The following NARS1 variants were observed in gnomAD, a reference collection of about 807,000 sequenced individuals.
The protein encoded by NARS1 is asparagine--tRNA ligase, cytoplasmic.
NARS1 carries 65 observed loss-of-function variants against 79.2 expected under a neutral mutation model. The ratio of observed to expected loss-of-function variants is 0.82; its 90% CI spans 0.67 to 1.01. The LOEUF (loss-of-function observed/expected upper bound fraction) is 1.01. Ranked by LOEUF, NARS1 falls within the 50% of genes least tolerant of loss-of-function variation. NARS1 has a pLI of 0.00. For synonymous variants in NARS1, 229 were observed against 238.8 expected, an observed-to-expected ratio of 0.96 and a Z score of 0.38; for missense variants, 649 against 673.8, an observed-to-expected ratio of 0.96 and a Z score of 0.41.
intron 4 of NARS1, among the ~76,000 whole-genome samples, chr18:57,614,361 C>G (rs533044943): frequency 6.6e-6 from 1 of 152,016 alleles, no homozygotes; most frequent in African/African-American, 2.4e-5. Flanking sequence ...ATTAGCCAGG[C>G]GTGGTGGCAG....
At chr18:57,603,642 C>A (rs1376751310) in intron 11 of NARS1, among the ~76,000 whole-genome samples, 1 of 152,198 alleles carries the variant, frequency 6.6e-6, no homozygotes, top group Non-Finnish European at 1.5e-5. Flanking sequence ...TGACAACTCT[C>A]GTCCCAGTAA....
In NARS1 at chr18:57,607,227, T is replaced by C. The variant is rs1217200806; in HGVS notation, c.908A>G (p.Tyr303Cys). The C allele has an allele frequency of 6.2e-7, 1 of 1,614,062 alleles. No individual in the cohort carries two copies. Among genetic ancestry groups the C allele is most frequent in the Non-Finnish European group, 8.5e-7 (1 of 1,180,012 alleles). The change falls in exon 9 of 14, where the codon TAC becomes TGC. Residue 303 changes from tyrosine (Y) to cysteine (C), a missense_variant. Tyr to Cys is a radical substitution (Grantham distance 194). Transcript: ENST00000256854. ...CAGGGCTGGGAGGCAGGTCTCCAAG[T>C]ACAACTGAGAGGATTGAGTCAAAAA... is the stretch of plus-strand genomic sequence containing the variant. ...EAFLTQSSQLYLETCLPALGD... is the reference protein window; with the variant it reads ...EAFLTQSSQLCLETCLPALGD...
Position 57,607,552 on chromosome 18 carries a change from G to A in NARS1, c.693C>T (p.Asn231=), listed in dbSNP as rs1222170024. 4 of 1,613,982 alleles carry A rather than the reference G, an allele frequency of 2.5e-6. No homozygotes were observed. The African/African-American group carries it at 4.0e-5, about 16-fold the overall frequency. Residue 231 remains asparagine, a synonymous_variant, in exon 8 of 14, where the codon AAC becomes AAT. Coordinates refer to ENST00000256854, the MANE Select transcript of NARS1 (RefSeq NM_004539.4). Reference sequence around the variant, plus strand: ...CTCCTCGGATCATCATGTGTCTGTTGTTGAGCTGGACATCAACGTCAGACT... The same window carrying A: ...CTCCTCGGATCATCATGTGTCTGTTATTGAGCTGGACATCAACGTCAGACT... ...NEESDVDVQL[N]NRHMMIRGEN... is the part of the protein sequence containing the mutation.
intron 10 of NARS1, 50 bp downstream of exon 10, chr18:57,606,566 T>G: frequency 1.9e-6 from 3 of 1,574,280 alleles, no homozygotes; most frequent in Non-Finnish European, 2.6e-6. Context: ...GACTTCATTG[T>G]CTTCCAAAAA....
Position 57,601,421 on chromosome 18 carries a change from C to T in NARS1, c.*231G>A. ...CTACAGTTTCATGCCAGGTATTTTC[C>T]CCGAACTTTGTTTCCCGAACTTAAG... On this transcript the variant is annotated 3_prime_UTR_variant, in exon 14 of 14. Coordinates refer to ENST00000256854, the MANE Select transcript of NARS1 (RefSeq NM_004539.4). 2 of 364,894 alleles carry T rather than the reference C, an allele frequency of 5.5e-6. No individual in the cohort carries two copies. Among genetic ancestry groups the T allele is most frequent in the Non-Finnish European group, 9.9e-6 (2 of 201,748 alleles). 22.6% of individuals were successfully genotyped at this position (364,894 alleles called of 1,614,324 possible). A position where few individuals can be genotyped will look rare whatever the true frequency, so the allele number is the denominator to read the frequency against.
chr18:57,620,690 T>TAACTAATAGTTAATG (rs779045871), intron 1 of NARS1, 39 bp from the exon 2 acceptor site: 1 of 1,234,866 alleles, frequency 8.1e-7, no homozygotes, highest in Non-Finnish European at 1.2e-6. Flanking sequence ...GTCTGGCCAT[T>TAACTAATAGTTAATG]AACTATTAGT....
chr18:57,621,538 C>T (rs1276386049), intron 1 of NARS1, among the ~76,000 whole-genome samples, 170 bp downstream of exon 1: 1 of 152,188 alleles, frequency 6.6e-6, no homozygotes, highest in Non-Finnish European at 1.5e-5. Flanking sequence ...CCTTCAAGTC[C>T]CGGGCCCAGC....
rs2051605732 is a variant in NARS1 at position 57,611,638 on chromosome 18, A to T, written c.491T>A (p.Leu164Ter). 6.3e-7 allele frequency: 1 copy of T among 1,584,186 alleles called. No homozygotes were observed. Residue 164 changes from leucine (L) to a stop codon, truncating the protein, a stop_gained and splice_region_variant, in exon 6 of 14, where the codon TTG becomes TAG. Transcript: ENST00000256854. LOFTEE classifies it high-confidence loss of function. ...GCATAAATAAGAGAAAATATTTACC[A>T]ACTCATCCGCCAAGACACACTGAAG... is the stretch of plus-strand genomic sequence containing the variant. ...GYLQCVLADE[L>*]CQCYNGVLLS...
In NARS1 at chr18:57,607,172, G is replaced by A. The variant is rs777826631; in HGVS notation, c.963C>T (p.Tyr321=). The change falls in exon 9 of 14, where the codon TAC becomes TAT. Residue 321 remains tyrosine (Y), a synonymous_variant. Transcript: ENST00000256854. ...TTCGTGTTCTGGACTGCTCTGCCCG[G>A]TATGACTGAGCAATACAAAAAACAT... The part of the protein sequence containing the change: ...LGDVFCIAQS[Y]RAEQSRTRRH... 1.9e-6 allele frequency: 3 copies of A among 1,613,918 alleles called. No homozygotes were observed. The highest frequency in any genetic ancestry group is 1.3e-5 in the African/African-American group (1 of 74,878).
intron 5 of NARS1, among the ~76,000 whole-genome samples, chr18:57,611,916 C>T (rs2051607880): frequency 6.6e-6 from 1 of 152,080 alleles, no homozygotes; most frequent in Admixed American, 6.6e-5. Context: ...GCACATGCCA[C>T]CACACCTGGC....
intron 4 of NARS1, among the ~76,000 whole-genome samples, 177 bp downstream of exon 4, chr18:57,615,464 T>C (rs139379186): frequency 0.018 from 2,767 of 152,134 alleles, 77 homozygotes; most frequent in African/African-American, 0.055. Flanking sequence ...ATTGAACCAC[T>C]GCACTCCAGC....
chr18:57,601,626 T>C lies in NARS1; in HGVS notation c.*26A>G, dbSNP rs1477725625. ...AAAGAGCCTGTTCCTTTCATAATCT[T>C]TCCTCCACGCTTCTGGAGAAAATGG... On this transcript the variant is annotated 3_prime_UTR_variant, in exon 14 of 14. Transcript: ENST00000256854. 1.2e-6 allele frequency: 2 copies of C among 1,609,066 alleles called. No individual in the cohort carries two copies. Among genetic ancestry groups the C allele is most frequent in the East Asian group, 2.2e-5 (1 of 44,828 alleles).
rs1352105937 is a variant in NARS1, at chr18:57,600,988, C to G, written c.*664G>C. 1 of 152,186 alleles carries G rather than the reference C, an allele frequency of 6.6e-6. No homozygotes were observed. The highest frequency in any genetic ancestry group is 2.4e-5 in the African/African-American group (1 of 41,454). The allele number at this position is 152,186 out of a possible 1,614,324, so 9.4% of individuals were successfully genotyped here. A position where few individuals can be genotyped will look rare whatever the true frequency, so the allele number is the denominator to read the frequency against. On this transcript the variant is annotated 3_prime_UTR_variant, in exon 14 of 14. Transcript: ENST00000256854. ...ATACTGTGAATCACTAAAAAACTCT[C>G]CCCAAAATTATGTTCTTACTTCAAA...
At chr18:57,620,515 G>T in intron 2 of NARS1, 54 bp downstream of exon 2, 1 of 1,240,294 alleles carries the variant, frequency 8.1e-7, no homozygotes, top group Non-Finnish European at 1.2e-6. Context: ...CAAGAAAATT[G>T]ACATAACTCA....
At chr18:57,618,615 A>T (rs924062460) in intron 2 of NARS1, among the ~76,000 whole-genome samples, 3 of 152,104 alleles carry the variant, frequency 2.0e-5, no homozygotes, top group African/African-American at 7.2e-5. Context: ...TAAAAAGTAA[A>T]ACCCAGCCAG....
At chr18:57,615,470 C>G (rs1907982603) in intron 4 of NARS1, among the ~76,000 whole-genome samples, 171 bp downstream of exon 4, 1 of 151,978 alleles carries the variant, frequency 6.6e-6, no homozygotes, top group Non-Finnish European at 1.5e-5. Flanking sequence ...CCACTGCACT[C>G]CAGCCTGGGC....
At chr18:57,602,750 G>A (rs2122418589) in intron 12 of NARS1, 62 bp downstream of exon 12, 1 of 1,548,912 alleles carries the variant, frequency 6.5e-7, no homozygotes, top group Non-Finnish European at 8.8e-7. Context: ...CCTGATTCCA[G>A]ATGACAGTCC....
At position 57,605,669 on chromosome 18, in the gene NARS1, G is replaced by A. The variant is rs543911733; in HGVS notation, c.1251+188C>T. Among the ~76,000 whole-genome samples the A allele has an allele frequency of 1.3e-4, 19 of 150,678 alleles. 1 individual carries two copies. The highest frequency in any genetic ancestry group is 1.3e-3 in the Admixed American group (19 of 15,126). On this transcript the variant is annotated intron_variant, in intron 11 of 13. Coordinates refer to ENST00000256854, the MANE Select transcript of NARS1 (RefSeq NM_004539.4). ...TCACTTACGCTTACTGGGTGGTACA[G>A]AACAGGCACTGTCCTAAGGCTGACT...
At chr18:57,616,012 A>G (rs777972563) in intron 2 of NARS1, 37 bp from the exon 3 acceptor site, 2 of 1,517,084 alleles carry the variant, frequency 1.3e-6, no homozygotes, top group South Asian at 1.3e-5. Flanking sequence ...GTTCTTGAAC[A>G]TTGTACAATA....
Sources: allele counts gnomAD v4.1 joint callset (sites outside exome capture counted in the v4.1 genomes callset), GRCh38; gene constraint gnomAD v4.1.1; transcripts MANE v1.5; gene names NCBI Gene and HGNC (gene_info 2026-07-23, HGNC 2026-07-21).